ACSM5: variants seen among roughly 807,000 people sequenced by gnomAD.
ACSM5 encodes the protein acyl-coenzyme A synthetase ACSM5, mitochondrial.
In ACSM5, 56 loss-of-function variants were observed where a neutral mutation model predicts 71.6. That is an observed-to-expected ratio of 0.78 (90% confidence interval 0.63 to 0.98). ACSM5 has a LOEUF of 0.98. Ranked by LOEUF, ACSM5 falls within the 50% of genes least tolerant of loss-of-function variation. The pLI, the probability that ACSM5 is intolerant of heterozygous loss-of-function variation, is 0.00. For missense variants in ACSM5, 723 were observed against 726.0 expected, an observed-to-expected ratio of 1.00 and a Z score of 0.05; for synonymous variants, 285 against 281.5, an observed-to-expected ratio of 1.01 and a Z score of -0.12.
chr16:20,428,020 A>C (rs12921994), intron 7 of ACSM5, among the ~76,000 whole-genome samples, 153 bp downstream of exon 7: 25 of 152,074 alleles, frequency 1.6e-4, no homozygotes, highest in South Asian at 6.2e-4. Flanking sequence ...TCTCTCTCTC[A>C]CACACACATT....
In ACSM5 at chr16:20,441,204, T is replaced by G. The variant is rs1262691764; in HGVS notation, c.*777T>G. 3 of 152,296 alleles carry G rather than the reference T, an allele frequency of 2.0e-5. No individual in the cohort carries two copies. The highest frequency in any genetic ancestry group is 6.5e-5 in the Admixed American group (1 of 15,298). The allele number at this position is 152,296 out of a possible 1,614,324, so 9.4% of individuals were successfully genotyped here. On this transcript the variant is annotated 3_prime_UTR_variant, in exon 14 of 14. Transcript: ENST00000331849. Reference sequence around the variant, plus strand: ...GGTTAATTGTAATCCTCCTGGAGATTGAGGAGGGAGGGAGAGAAAATAATG... The same window carrying G: ...GGTTAATTGTAATCCTCCTGGAGATGGAGGAGGGAGGGAGAGAAAATAATG...
intron 10 of ACSM5, among the ~76,000 whole-genome samples, chr16:20,435,697 A>C (rs1967178926): frequency 6.6e-6 from 1 of 152,206 alleles, no homozygotes; most frequent in African/African-American, 2.4e-5. Flanking sequence ...AAAGAACTTC[A>C]TGTAAATGGA....
At chr16:20,420,301 A>T (rs536605318) in intron 4 of ACSM5, among the ~76,000 whole-genome samples, 86 of 151,612 alleles carry the variant, frequency 5.7e-4, no homozygotes, top group African/African-American at 2.0e-3. Context: ...GATCTTTTTT[A>T]AAAAAATCAG....
chr16:20,423,082 T>C (rs758555622), intron 5 of ACSM5, among the ~76,000 whole-genome samples: 5 of 152,212 alleles, frequency 3.3e-5, no homozygotes, highest in Non-Finnish European at 7.3e-5. Context: ...GCTGAACTTA[T>C]CAGTGTAAAG....
chr16:20,438,403 A>C (rs1489190265), intron 12 of ACSM5, among the ~76,000 whole-genome samples: 2 of 151,770 alleles, frequency 1.3e-5, no homozygotes, highest in Non-Finnish European at 2.9e-5. Context: ...GACTTACCAA[A>C]TCATGATTAC....
At chr16:20,421,194 T>A in intron 4 of ACSM5, 64 bp from the exon 5 acceptor site, 1 of 1,484,610 alleles carries the variant, frequency 6.7e-7, no homozygotes, top group Non-Finnish European at 9.0e-7. Flanking sequence ...TTGTTACACA[T>A]ATTATTGGTG....
chr16:20,430,397 T>C (rs1262342181), intron 8 of ACSM5, among the ~76,000 whole-genome samples: 1 of 151,916 alleles, frequency 6.6e-6, no homozygotes, highest in Non-Finnish European at 1.5e-5. Context: ...TCTATAGTCA[T>C]CTAGGAAGAG....
chr16:20,425,371 T>A (rs8045800), intron 6 of ACSM5, among the ~76,000 whole-genome samples: 68,926 of 151,938 alleles, frequency 0.45, 17,327 homozygotes, highest in African/African-American at 0.68. Context: ...CATCTTCTTT[T>A]TCCATTCATC....
At chr16:20,414,242 A>G (rs1966852510) in intron 2 of ACSM5, among the ~76,000 whole-genome samples, 1 of 152,322 alleles carries the variant, frequency 6.6e-6, no homozygotes, top group South Asian at 2.1e-4. Flanking sequence ...CTTACATGGC[A>G]AGAGACTTTG....
chr16:20,428,269 C>G (rs1383184818), intron 7 of ACSM5, among the ~76,000 whole-genome samples: 1 of 152,196 alleles, frequency 6.6e-6, no homozygotes, highest in Non-Finnish European at 1.5e-5. Context: ...TGTTAGCCAC[C>G]TGTGGAGTGG....
intron 4 of ACSM5, among the ~76,000 whole-genome samples, chr16:20,420,456 T>C (rs1412746397): frequency 1.3e-5 from 2 of 152,142 alleles, no homozygotes; most frequent in Non-Finnish European, 2.9e-5. Context: ...CAAAATTAGC[T>C]GGGCGTGGTG....
At chr16:20,411,716 T>C in intron 2 of ACSM5, 28 bp downstream of exon 2, 1 of 1,610,188 alleles carries the variant, frequency 6.2e-7, no homozygotes, top group Non-Finnish European at 8.5e-7. Context: ...CTAGAGTCCA[T>C]CTGGGGCATC....
chr16:20,424,649 C>A (rs1406181550), intron 6 of ACSM5, among the ~76,000 whole-genome samples: 3 of 152,180 alleles, frequency 2.0e-5, no homozygotes, highest in African/African-American at 7.2e-5. Context: ...TAGGCTGTGC[C>A]ATCAGTCAAA....
At chr16:20,430,339 C>G (rs1360037558) in intron 8 of ACSM5, among the ~76,000 whole-genome samples, 3 of 151,914 alleles carry the variant, frequency 2.0e-5, no homozygotes, top group Non-Finnish European at 4.4e-5. Flanking sequence ...TCCACCAAGA[C>G]AGTCTACATC....
At chr16:20,421,945 G>A (rs1966889310) in intron 5 of ACSM5, among the ~76,000 whole-genome samples, 1 of 151,724 alleles carries the variant, frequency 6.6e-6, no homozygotes, top group South Asian at 2.1e-4. Context: ...CGTGTAACTG[G>A]CATCATGCAG....
At chr16:20,429,607 G>T in intron 7 of ACSM5, 71 bp from the exon 8 acceptor site, 1 of 1,600,202 alleles carries the variant, frequency 6.2e-7, no homozygotes, top group South Asian at 1.1e-5. Context: ...TTGCATCTGG[G>T]CAGTGGCACC....
rs149756821 is a variant in ACSM5, at chr16:20,411,529, C to A, written c.45C>A (p.Asn15Lys). ...LRHLVLQALR[N>K]SRAFCGSHGK... is the part of the protein sequence containing the mutation. ...ACCTAGTCCTCCAGGCACTGAGGAA[C>A]TCCAGGGCATTCTGTGGGTCTCATG... The change falls in exon 2 of 14, where the codon AAC (asparagine) becomes AAA (lysine). Residue 15 changes from asparagine (N) to lysine (K), a missense_variant. Transcript: ENST00000331849. 1.6e-3 allele frequency: 2,505 copies of A among 1,614,202 alleles called. 21 individuals are homozygous for A. In the East Asian group the frequency reaches 0.022, roughly 14 times the overall value.
At chr16:20,421,235 C>T in intron 4 of ACSM5, 23 bp from the exon 5 acceptor site, 2 of 1,546,478 alleles carry the variant, frequency 1.3e-6, no homozygotes, top group Non-Finnish European at 8.8e-7. Flanking sequence ...GGTAGTGCCA[C>T]CTAGTGTATT....
chr16:20,416,789 A>C (rs541304754), intron 2 of ACSM5, among the ~76,000 whole-genome samples: 1 of 152,280 alleles, frequency 6.6e-6, no homozygotes, highest in African/African-American at 2.4e-5. Flanking sequence ...AATATCTGAA[A>C]AATCACATAT....
Sources: gnomAD v4.1 joint callset for allele counts (sites outside exome capture counted in the v4.1 genomes callset) on GRCh38, gnomAD v4.1.1 for gene constraint, MANE v1.5 for transcripts, NCBI Gene and HGNC (gene_info 2026-07-23, HGNC 2026-07-21) for gene names.